The following FOXP2 variants were observed in gnomAD, a reference collection of about 807,000 sequenced individuals.
The protein encoded by FOXP2 is forkhead box P2.
A neutral mutation model predicts 115.8 loss-of-function variants in FOXP2; 12 were observed. The observed-to-expected ratio is 0.10, with a 90% CI of 0.07 to 0.17. The LOEUF is 0.17. Among genes scored for constraint, FOXP2 ranks in the 10% least tolerant of loss-of-function variants. The probability of loss-of-function intolerance (pLI) is 1.00; values close to 1 mark genes in which losing one functional copy is unlikely to be tolerated. For synonymous variants in FOXP2, 328 were observed against 297.7 expected (o/e 1.10, Z -1.05); for missense variants, 629 against 843.5 (o/e 0.75, Z 3.15).
chr7:114,143,677 A>G (rs769136181), intron 1 of FOXP2, among the ~76,000 whole-genome samples: 1 of 152,228 alleles, frequency 6.6e-6, no homozygotes, highest in Non-Finnish European at 1.5e-5. Flanking sequence ...TTCTGTTCAC[A>G]TTCCATTGGT....
chr7:114,510,128 T>C (rs1798002213), intron 2 of FOXP2, among the ~76,000 whole-genome samples: 1 of 152,120 alleles, frequency 6.6e-6, no homozygotes, highest in African/African-American at 2.4e-5. Context: ...TTATTAGAAG[T>C]GAGATTCATG....
At chr7:114,628,477 A>G in intron 3 of FOXP2, 63 bp from the exon 4 acceptor site, 1 of 1,596,986 alleles carries the variant, frequency 6.3e-7, no homozygotes, top group Non-Finnish European at 8.6e-7. Context: ...CTATTTGTGA[A>G]GTTGATTAAC....
chr7:114,649,427 T>G (rs543197745), intron 8 of FOXP2, among the ~76,000 whole-genome samples: 35 of 152,104 alleles, frequency 2.3e-4, no homozygotes, highest in Non-Finnish European at 4.0e-4. Flanking sequence ...AAACAGCAAT[T>G]AGGCACTGAC....
intron 1 of FOXP2, among the ~76,000 whole-genome samples, chr7:114,141,761 G>A (rs558180628): frequency 2.6e-5 from 4 of 152,330 alleles, no homozygotes; most frequent in African/African-American, 9.6e-5. Flanking sequence ...AACTGTAACA[G>A]CCTAGTTACC....
intron 1 of FOXP2, among the ~76,000 whole-genome samples, chr7:114,264,614 G>A (rs1219582500): frequency 6.6e-6 from 1 of 152,130 alleles, no homozygotes. Flanking sequence ...GATATTTGTA[G>A]TATTAACCTA....
At chr7:114,501,945 G>C (rs1007611666) in intron 2 of FOXP2, among the ~76,000 whole-genome samples, 12 of 151,944 alleles carry the variant, frequency 7.9e-5, no homozygotes, top group African/African-American at 2.7e-4. Flanking sequence ...CTGGAAACAA[G>C]CTTTGGTAGC....
intron 2 of FOXP2, among the ~76,000 whole-genome samples, chr7:114,361,945 A>G (rs1791754924): frequency 6.6e-6 from 1 of 152,060 alleles, no homozygotes; most frequent in Admixed American, 6.6e-5. Context: ...AAGATTCGCT[A>G]TAGGAACAAT....
intron 2 of FOXP2, among the ~76,000 whole-genome samples, chr7:114,493,301 G>A (rs1218477645): frequency 1.3e-5 from 2 of 152,046 alleles, no homozygotes; most frequent in Non-Finnish European, 2.9e-5. Flanking sequence ...GCCTATGTGT[G>A]TCTCTGCACG....
At chr7:114,529,007 C>T (rs77975066) in intron 2 of FOXP2, among the ~76,000 whole-genome samples, 1,699 of 151,720 alleles carry the variant, frequency 0.011, 28 homozygotes, top group African/African-American at 0.039. Flanking sequence ...TAAAGTTGGA[C>T]GGAATTCATT....
At chr7:114,650,463 T>C (rs1806185926) in intron 8 of FOXP2, among the ~76,000 whole-genome samples, 1 of 152,020 alleles carries the variant, frequency 6.6e-6, no homozygotes, top group East Asian at 1.9e-4. Flanking sequence ...CACAGCAATA[T>C]GAAGCCTTAA....
Position 114,426,499 on chromosome 7 carries a change from T to C in FOXP2, c.-10-3T>C, listed in dbSNP as rs1434184926. On this transcript the variant is annotated splice_region_variant and splice_polypyrimidine_tract_variant and intron_variant, in intron 1 of 16. Transcript: ENST00000350908. Reference sequence around the variant, plus strand: ...TTAATTGATACTTCTTAATCACTTTTAGGTATTAAGTCATGATGCAGGAAT... The same window carrying C: ...TTAATTGATACTTCTTAATCACTTTCAGGTATTAAGTCATGATGCAGGAAT... 6.2e-7 allele frequency: 1 copy of C among 1,609,612 alleles called. No homozygotes were observed. Among genetic ancestry groups the C allele is most frequent in the East Asian group, 2.2e-5 (1 of 44,702 alleles).
intron 1 of FOXP2, among the ~76,000 whole-genome samples, chr7:114,215,710 A>C (rs954889377): frequency 7.9e-5 from 12 of 151,860 alleles, no homozygotes; most frequent in Non-Finnish European, 1.8e-4. Flanking sequence ...CCTGGCACAT[A>C]GAAGTTCAGT....
intron 2 of FOXP2, among the ~76,000 whole-genome samples, chr7:114,460,246 G>T (rs530724085): frequency 4.8e-4 from 73 of 152,088 alleles, no homozygotes; most frequent in African/African-American, 1.7e-3. Flanking sequence ...AACCCACAAG[G>T]TTACTTATCT....
chr7:114,220,861 CTT>C (rs2129163642), intron 1 of FOXP2, among the ~76,000 whole-genome samples: 1 of 152,266 alleles, frequency 6.6e-6, no homozygotes, highest in African/African-American at 2.4e-5. Context: ...ACTTCAAACT[CTT>C]TTAGACTAAA....
intron 1 of FOXP2, among the ~76,000 whole-genome samples, chr7:114,154,971 G>A (rs1045160293): frequency 5.9e-5 from 9 of 152,102 alleles, no homozygotes; most frequent in African/African-American, 1.7e-4. Context: ...GTTATGTCAG[G>A]TACCAATCTT....
chr7:114,580,341 G>C (rs939746600), intron 3 of FOXP2, among the ~76,000 whole-genome samples: 2 of 152,236 alleles, frequency 1.3e-5, no homozygotes, highest in African/African-American at 2.4e-5. Context: ...ACTTTGGGAG[G>C]CTGAGGCGGG....
chr7:114,302,610 G>A (rs1361810740), intron 2 of FOXP2, among the ~76,000 whole-genome samples: 1 of 152,128 alleles, frequency 6.6e-6, no homozygotes, highest in Non-Finnish European at 1.5e-5. Flanking sequence ...CACACAGAAA[G>A]ATAACTCTAT....
intron 1 of FOXP2, among the ~76,000 whole-genome samples, chr7:114,424,519 A>C (rs527336048): frequency 6.6e-6 from 1 of 151,546 alleles, no homozygotes; most frequent in Non-Finnish European, 1.5e-5. Context: ...TATAATTTTC[A>C]TATAACTAGT....
intron 2 of FOXP2, among the ~76,000 whole-genome samples, chr7:114,513,526 T>G (rs1798177849): frequency 6.6e-6 from 1 of 152,146 alleles, no homozygotes; most frequent in Admixed American, 6.6e-5. Context: ...AGATTCTGTC[T>G]TTATAACATA....
Sources: allele counts gnomAD v4.1 joint callset (sites outside exome capture counted in the v4.1 genomes callset), GRCh38; gene constraint gnomAD v4.1.1; transcripts MANE v1.5; gene names NCBI Gene and HGNC (gene_info 2026-07-23, HGNC 2026-07-21).